EVC2: variants seen among roughly 807,000 people sequenced by gnomAD.
EVC2 encodes limbin.
EVC2 carries 148 observed loss-of-function variants against 149.3 expected under a neutral mutation model. The observed-to-expected ratio is 0.99, with a 90% CI of 0.87 to 1.14. The LOEUF (loss-of-function observed/expected upper bound fraction) is 1.14. Ranked by LOEUF, EVC2 falls within the 50% of genes most tolerant of loss-of-function variation. The pLI, the probability that EVC2 is intolerant of heterozygous loss-of-function variation, is 0.00. For missense variants in EVC2, 1,854 were observed against 1,627.3 expected (o/e 1.14, Z -2.40); for synonymous variants, 776 against 649.9 (o/e 1.19, Z -2.95).
At chr4:5,695,074 G>A (rs1035101431) in intron 2 of EVC2, among the ~76,000 whole-genome samples, 1 of 152,086 alleles carries the variant, frequency 6.6e-6, no homozygotes, top group Admixed American at 6.5e-5. Context: ...CCTGGGCCAG[G>A]CACCGCAGCT....
the EVC2 span, among the ~76,000 whole-genome samples, chr4:5,535,631 G>GAGAGAGAGAGAGAGAGAGAGAGAC: frequency 6.6e-6 from 1 of 150,688 alleles, no homozygotes; most frequent in Non-Finnish European, 1.5e-5. This position sits in a 1 kb window ranked among gnomAD's most constrained non-coding sequence, Gnocchi z 4.7. Flanking sequence ...GAGAGAGAGA[G>GAGAGAGAGAGAGAGAGAGAGAGAC]AGAAAGAGAT....
chr4:5,689,396 C>T, intron 4 of EVC2, 53 bp from the exon 5 acceptor site: 2 of 1,596,736 alleles, frequency 1.3e-6, no homozygotes, highest in Admixed American at 1.7e-5. Context: ...GTCCAGCTTC[C>T]TAAAATGGGG....
chr4:5,553,612 G>T (rs887870714), intron 21 of EVC2, among the ~76,000 whole-genome samples: 25 of 152,074 alleles, frequency 1.6e-4, no homozygotes, highest in South Asian at 6.2e-4. Context: ...GATTTTTGGA[G>T]GAGTAATAAA....
At chr4:5,702,925 T>A (rs1721914780) in intron 1 of EVC2, among the ~76,000 whole-genome samples, 1 of 152,116 alleles carries the variant, frequency 6.6e-6, no homozygotes, top group African/African-American at 2.4e-5. Flanking sequence ...AACCAGAAAA[T>A]AAATGTAAAG....
chr4:5,625,762 T>C lies in EVC2; in HGVS notation c.2033A>G (p.Glu678Gly). Residue 678 changes from glutamate to glycine, a missense_variant, in exon 13 of 22, where the codon GAG (glutamate) becomes GGG (glycine). Coordinates refer to ENST00000344408, the MANE Select transcript of EVC2 (RefSeq NM_147127.5). This position sits in a 1 kb window ranked among gnomAD's most constrained non-coding sequence, Gnocchi z 4.0. The part of the protein sequence containing the change: ...HQKLITKRRR[E>G]LLQKHREQRR... ...TGCCTTATATACCTTTTGTAGCAAC[T>C]CTCGTCTTCTCTTAGTTATTAATTT... 6.2e-7 allele frequency: 1 copy of C among 1,614,168 alleles called. No individual in the cohort carries two copies. Among genetic ancestry groups the C allele is most frequent in the South Asian group, 1.1e-5 (1 of 91,086 alleles).
intron 9 of EVC2, among the ~76,000 whole-genome samples, chr4:5,662,554 A>G (rs1718960340): frequency 8.4e-6 from 1 of 119,630 alleles, no homozygotes; most frequent in Admixed American, 8.2e-5. Flanking sequence ...TTAATATTAA[A>G]TATATTAAAT....
chr4:5,653,923 C>T (rs1020779771), intron 9 of EVC2, among the ~76,000 whole-genome samples: 4 of 152,184 alleles, frequency 2.6e-5, no homozygotes, highest in Non-Finnish European at 5.9e-5. Context: ...AAACGAGAGG[C>T]TGAAAACAGG....
At chr4:5,592,260 G>A (rs953208259) in intron 16 of EVC2, among the ~76,000 whole-genome samples, 1 of 152,220 alleles carries the variant, frequency 6.6e-6, no homozygotes, top group Non-Finnish European at 1.5e-5. Flanking sequence ...GCTTCCTACA[G>A]GAATGCTGGC....
chr4:5,683,357 C>T (rs1263082848), intron 6 of EVC2, among the ~76,000 whole-genome samples: 2 of 152,200 alleles, frequency 1.3e-5, no homozygotes, highest in Non-Finnish European at 2.9e-5. Flanking sequence ...GAGCCTAAAG[C>T]GTGCTATCAA....
At chr4:5,646,221 G>T (rs529855876) in intron 9 of EVC2, among the ~76,000 whole-genome samples, 1 of 151,578 alleles carries the variant, frequency 6.6e-6, no homozygotes, top group African/African-American at 2.4e-5. Flanking sequence ...ATAAGCCACC[G>T]TGCCAGGTCT....
At chr4:5,639,902 T>G (rs115897453) in intron 10 of EVC2, among the ~76,000 whole-genome samples, 3,667 of 152,314 alleles carry the variant, frequency 0.024, 127 homozygotes, top group African/African-American at 0.076. Context: ...ATGAACTTCT[T>G]GAATGGAAGA....
At chr4:5,577,801 A>C (rs1389856283) in intron 17 of EVC2, among the ~76,000 whole-genome samples, 2 of 152,092 alleles carry the variant, frequency 1.3e-5, no homozygotes, top group Non-Finnish European at 2.9e-5. Context: ...AACTATGACC[A>C]TCCCTCTCGC....
intron 21 of EVC2, among the ~76,000 whole-genome samples, chr4:5,563,481 G>C (rs1722079088): frequency 6.6e-6 from 1 of 152,130 alleles, no homozygotes; most frequent in Non-Finnish European, 1.5e-5. Context: ...TGAGTAACTG[G>C]GACGACAGGC....
intron 21 of EVC2, among the ~76,000 whole-genome samples, chr4:5,554,437 C>A (rs7437642): frequency 2.0e-4 from 30 of 152,282 alleles, no homozygotes; most frequent in African/African-American, 7.2e-4. Flanking sequence ...CTTAGGGAGT[C>A]CCTCACACTT....
chr4:5,544,409 T>C (rs1721573806), intron 21 of EVC2, among the ~76,000 whole-genome samples: 1 of 152,204 alleles, frequency 6.6e-6, no homozygotes. Context: ...ATCCGTCTCA[T>C]GCTACCCCCC....
intron 16 of EVC2, among the ~76,000 whole-genome samples, chr4:5,606,699 G>A (rs968917801): frequency 5.9e-5 from 9 of 151,814 alleles, no homozygotes; most frequent in Non-Finnish European, 1.2e-4. Context: ...TGAGAGAGAC[G>A]GTGGAACAAG....
chr4:5,535,695 C>A, the EVC2 span, among the ~76,000 whole-genome samples: 1 of 152,028 alleles, frequency 6.6e-6, no homozygotes, highest in East Asian at 1.9e-4. This position sits in a 1 kb window ranked among gnomAD's most constrained non-coding sequence, Gnocchi z 4.7. Flanking sequence ...ATGGGGGCCC[C>A]ACCCTCATGA....
chr4:5,659,148 T>A (rs570583967), intron 9 of EVC2, among the ~76,000 whole-genome samples: 2 of 152,268 alleles, frequency 1.3e-5, no homozygotes, highest in Admixed American at 6.5e-5. Context: ...AAGTTACAGC[T>A]CTCATGGGGC....
chr4:5,689,204 T>C lies in EVC2; in HGVS notation c.659A>G (p.Asn220Ser), dbSNP rs893890130. 6.2e-7 allele frequency: 1 copy of C among 1,614,216 alleles called. No homozygotes were observed. The change falls in exon 5 of 22, where the codon AAC becomes AGC. Residue 220 changes from asparagine to serine, a missense_variant. Physicochemically the swap from Asn to Ser is conservative, Grantham distance 46 (BLOSUM62 1). Transcript: ENST00000344408. ...AGCCTGGAATCCTTCCGAGGTCCTG[T>C]TTCCCACAGAGTCCCAAATGGTGAG... ...AGLTIWDSVG[N>S]RTSEGFQAFS...
Sources: gnomAD v4.1 joint callset for allele counts (sites outside exome capture counted in the v4.1 genomes callset) on GRCh38, gnomAD v4.1.1 for gene constraint, Gnocchi (gnomAD v3.1) non-coding constraint, MANE v1.5 for transcripts, NCBI Gene and HGNC (gene_info 2026-07-23, HGNC 2026-07-21) for gene names.